The following C16orf96 variants were observed in gnomAD, a reference collection of about 807,000 sequenced individuals.
C16orf96 encodes the protein chromosome 16 open reading frame 96.
Under a neutral mutation model 103.6 loss-of-function variants are expected in C16orf96, and 108 were observed. The ratio of observed to expected loss-of-function variants is 1.04; its 90% CI spans 0.89 to 1.22. C16orf96 has a LOEUF of 1.22. Among genes scored for constraint, C16orf96 ranks in the 50% most tolerant of loss-of-function variants. C16orf96 has a pLI of 0.00. For missense variants in C16orf96, 1,586 were observed against 1,464.2 expected (o/e 1.08, Z -1.36); for synonymous variants, 566 against 593.5 (o/e 0.95, Z 0.67).
At chr16:4,569,436 C>G (rs564857715) in intron 1 of C16orf96, among the ~76,000 whole-genome samples, 156 of 152,190 alleles carry the variant, frequency 1.0e-3, no homozygotes, top group African/African-American at 3.6e-3. Flanking sequence ...CACTGCTCCC[C>G]ACTTCCTACT....
intron 7 of C16orf96, 51 bp downstream of exon 7, chr16:4,580,176 C>T: frequency 7.3e-7 from 1 of 1,364,570 alleles, no homozygotes. Context: ...GAGAATTCCT[C>T]ACCTAGACCT....
intron 6 of C16orf96, among the ~76,000 whole-genome samples, chr16:4,579,548 T>A: frequency 1.7e-5 from 1 of 57,816 alleles, no homozygotes. Context: ...AGCAAGGCCC[T>A]GTCTCAAAAA....
intron 9 of C16orf96, among the ~76,000 whole-genome samples, chr16:4,588,701 CTTTTTTTT>C (rs35941814): frequency 3.7e-5 from 3 of 80,294 alleles, no homozygotes; most frequent in African/African-American, 1.3e-4. Flanking sequence ...GCAGCAATGT[CTTTTTTTT>C]TTTTTTTTTT....
intron 7 of C16orf96, 100 bp downstream of exon 7, chr16:4,580,225 C>T (rs980052329): frequency 2.2e-6 from 2 of 893,754 alleles, no homozygotes; most frequent in Non-Finnish European, 3.2e-6. Flanking sequence ...GGTGGGGATG[C>T]ACTTGAGGCT....
At chr16:4,555,845 C>T (rs115626244), upstream of C16orf96, among the ~76,000 whole-genome samples, 1,798 of 151,756 alleles carry the variant, frequency 0.012, 41 homozygotes, top group African/African-American at 0.04. Flanking sequence ...TACAGATGTG[C>T]GCCAGCACAT....
chr16:4,589,972 A>C (rs1264322482), intron 9 of C16orf96, among the ~76,000 whole-genome samples: 2 of 152,012 alleles, frequency 1.3e-5, no homozygotes, highest in Admixed American at 1.3e-4. Context: ...AAAATACAAC[A>C]AAAATTAGCC....
At chr16:4,557,250 G>A (rs183164820) in intron 1 of C16orf96, among the ~76,000 whole-genome samples, 29 of 152,186 alleles carry the variant, frequency 1.9e-4, no homozygotes, top group African/African-American at 6.5e-4. Flanking sequence ...GATGACAAGC[G>A]TGAGCCACTG....
At chr16:4,573,647 G>A (rs1258421188) in intron 2 of C16orf96, among the ~76,000 whole-genome samples, 1 of 150,016 alleles carries the variant, frequency 6.7e-6, no homozygotes, top group Non-Finnish European at 1.5e-5. Context: ...AGTTACTCAG[G>A]AGGCTGAGGC....
At chr16:4,597,674 A>G (rs938974022) in intron 14 of C16orf96, among the ~76,000 whole-genome samples, 1 of 151,626 alleles carries the variant, frequency 6.6e-6, no homozygotes, top group Non-Finnish European at 1.5e-5. Flanking sequence ...CTCCCTCTTC[A>G]GCCTTCCAAG....
rs1400949072 is a variant in C16orf96, at chr16:4,580,070, A to C, written c.2297A>C (p.Tyr766Ser). Reference sequence around the variant, plus strand: ...CAAATAGAGATGATGAAGGATCGCTACATCACTTTGGACAAGGCGGTGGAG... The same window carrying C: ...CAAATAGAGATGATGAAGGATCGCTCCATCACTTTGGACAAGGCGGTGGAG... ...GNQIEMMKDR[Y>S]ITLDKAVENL... The change falls in exon 7 of 16, where the codon TAC (tyrosine) becomes TCC (serine). Residue 766 changes from tyrosine to serine, a missense_variant. Transcript: ENST00000444310. 1 of 1,549,912 alleles carries C rather than the reference A, an allele frequency of 6.5e-7. No individual in the cohort carries two copies. The highest frequency in any genetic ancestry group is 2.0e-5 in the Admixed American group (1 of 50,794).
chr16:4,581,136 GTATACATA>G (rs1320444365), intron 7 of C16orf96, among the ~76,000 whole-genome samples: 59 of 40,792 alleles, frequency 1.4e-3, no homozygotes, highest in African/African-American at 3.3e-3. Flanking sequence ...AAATATATAT[GTATACATA>G]TATATATATA....
chr16:4,547,647 T>TC, the C16orf96 span, among the ~76,000 whole-genome samples: 1,211 of 53,398 alleles, frequency 0.023, 33 homozygotes, highest in African/African-American at 0.049. Context: ...TGTCTTTCTT[T>TC]CTTTCCTTCC....
At chr16:4,597,516 C>T (rs1018577234) in intron 14 of C16orf96, among the ~76,000 whole-genome samples, 1 of 152,086 alleles carries the variant, frequency 6.6e-6, no homozygotes, top group African/African-American at 2.4e-5. Flanking sequence ...AAGACCCACA[C>T]AGCAAGCCAG....
chr16:4,575,481 C>G lies in C16orf96; in HGVS notation c.1001C>G (p.Pro334Arg), dbSNP rs1295421650. The change falls in exon 5 of 16, where the codon CCT (proline) becomes CGT (arginine). Residue 334 changes from proline (P) to arginine (R), a missense_variant. Coordinates refer to ENST00000444310, the MANE Select transcript of C16orf96 (RefSeq NM_001145011.2). ...CCTGGGCCTGCACCTGGGACTGAACCTGTGCCAGGACTGGAGCTGGGGCTG... is the reference window on the plus strand; with the variant it reads ...CCTGGGCCTGCACCTGGGACTGAACGTGTGCCAGGACTGGAGCTGGGGCTG... ...FAPGPAPGTE[P>R]VPGLELGLEL... 1.9e-6 allele frequency: 3 copies of G among 1,548,078 alleles called. No individual in the cohort carries two copies. Among genetic ancestry groups the G allele is most frequent in the South Asian group, 2.4e-5 (2 of 84,044 alleles).
chr16:4,547,720 C>CTTTCTT, the C16orf96 span, among the ~76,000 whole-genome samples: 1 of 76,516 alleles, frequency 1.3e-5, no homozygotes, highest in African/African-American at 3.4e-5. Context: ...TTCTTTCTTT[C>CTTTCTT]TTTCTTTCTT....
intron 14 of C16orf96, among the ~76,000 whole-genome samples, chr16:4,597,175 G>T (rs548850236): frequency 6.6e-6 from 1 of 152,212 alleles, no homozygotes. Flanking sequence ...GCTTCTCCTC[G>T]AGAGGACTGG....
the C16orf96 span, among the ~76,000 whole-genome samples, chr16:4,547,530 C>T: frequency 5.3e-5 from 8 of 152,024 alleles, no homozygotes; most frequent in East Asian, 1.9e-4. Flanking sequence ...TTACCTAGGG[C>T]GTGGGGAGTT....
rs375638203 is a variant in C16orf96, at chr16:4,556,675, C to T, written c.186C>T (p.Pro62=). 5 of 1,551,372 alleles carry T rather than the reference C, an allele frequency of 3.2e-6. No homozygotes were observed. The African/African-American group carries it at 6.8e-5, about 21-fold the overall frequency. The stretch of plus-strand genomic sequence containing the variant: ...AGACCTCGCAGGTGGTCATCATGCC[C>T]AGGGAAGGAGACGCCCAGCCTATCC... The part of the protein sequence containing the change: ...FLQTSQVVIM[P]REGDAQPILN... The change falls in exon 1 of 16, where the codon CCC becomes CCT. Residue 62 remains proline (P), a synonymous_variant. Transcript: ENST00000444310.
intron 14 of C16orf96, among the ~76,000 whole-genome samples, chr16:4,596,389 G>C (rs1348806194): frequency 4.6e-5 from 7 of 152,120 alleles, no homozygotes; most frequent in Non-Finnish European, 4.4e-5. Flanking sequence ...GGAGGCTGGG[G>C]CGGGAGAATC....
Sources: allele counts gnomAD v4.1 joint callset (sites outside exome capture counted in the v4.1 genomes callset), GRCh38; gene constraint gnomAD v4.1.1; transcripts MANE v1.5; gene names NCBI Gene and HGNC (gene_info 2026-07-23, HGNC 2026-07-21).